Variants in CTNNA3 observed in about 807,000 individuals in gnomAD.
CTNNA3 encodes the protein catenin alpha 3, also known as catenin alpha-3.
CTNNA3 carries 76 observed loss-of-function variants against 95.7 expected under a neutral mutation model. That is an observed-to-expected ratio of 0.79 (90% CI 0.66 to 0.96). CTNNA3 has a LOEUF of 0.96. Among genes scored for constraint, CTNNA3 ranks in the 40% least tolerant of loss-of-function variants. CTNNA3 has a pLI of 0.00. For missense variants in CTNNA3, 1,191 were observed against 1,089.8 expected (o/e 1.09, Z -1.31); for synonymous variants, 431 against 374.4 (o/e 1.15, Z -1.74).
chr10:67,654,151 A>T (rs1039269899), intron 1 of CTNNA3, among the ~76,000 whole-genome samples: 2 of 152,206 alleles, frequency 1.3e-5, no homozygotes, highest in Admixed American at 1.3e-4. Flanking sequence ...GGTGAGCTCC[A>T]CCTCCACCAC....
At chr10:66,047,600 A>T (rs1238281348) in intron 15 of CTNNA3, among the ~76,000 whole-genome samples, 2 of 152,202 alleles carry the variant, frequency 1.3e-5, no homozygotes, top group African/African-American at 2.4e-5. Flanking sequence ...CATCTCTTCT[A>T]TTCAAAATAG....
chr10:67,717,880 T>C (rs1469752510), intron 1 of CTNNA3, among the ~76,000 whole-genome samples: 3 of 152,216 alleles, frequency 2.0e-5, no homozygotes, highest in Non-Finnish European at 2.9e-5. Context: ...TTGATGGGGA[T>C]AGCATTAAAT....
intron 5 of CTNNA3, among the ~76,000 whole-genome samples, chr10:67,477,325 T>C (rs1470428639): frequency 2.6e-5 from 4 of 151,888 alleles, no homozygotes; most frequent in Admixed American, 6.6e-5. Flanking sequence ...CTACCCCGTA[T>C]GGCCCCACCC....
chr10:67,164,602 C>A lies in CTNNA3; in HGVS notation c.1047+15715G>T, dbSNP rs114628595. Among the ~76,000 whole-genome samples the A allele has an allele frequency of 2.8e-3, 432 of 152,144 alleles. 2 individuals carry two copies. Among genetic ancestry groups the A allele is most frequent in the African/African-American group, 0.01 (416 of 41,548 alleles). On this transcript the variant is annotated intron_variant, in intron 7 of 17. Coordinates refer to ENST00000433211, the MANE Select transcript of CTNNA3 (RefSeq NM_013266.4). The stretch of plus-strand genomic sequence containing the variant: ...AAATAGATAAAGCTTACTTCATTAG[C>A]TACAAACTGCAAGAAAATATTTACA...
At chr10:66,190,049 A>G (rs2131882063) in intron 13 of CTNNA3, among the ~76,000 whole-genome samples, 1 of 152,292 alleles carries the variant, frequency 6.6e-6, no homozygotes, top group African/African-American at 2.4e-5. Flanking sequence ...TTGAAGAAAC[A>G]TGTGAAACTA....
At chr10:66,996,187 G>C (rs1380196488) in intron 7 of CTNNA3, among the ~76,000 whole-genome samples, 1 of 152,082 alleles carries the variant, frequency 6.6e-6, no homozygotes, top group African/African-American at 2.4e-5. Context: ...GAAGTTTAAT[G>C]GTTTCAAGGA....
intron 10 of CTNNA3, among the ~76,000 whole-genome samples, chr10:66,606,205 TACA>T (rs1844115636): frequency 6.6e-6 from 1 of 152,112 alleles, no homozygotes; most frequent in African/African-American, 2.4e-5. Context: ...AAGGGTTAAA[TACA>T]ACAAGAAGAC....
intron 7 of CTNNA3, among the ~76,000 whole-genome samples, chr10:66,978,552 A>AAAAAAATATATATATAT: frequency 1.3e-3 from 50 of 37,868 alleles, no homozygotes; most frequent in Non-Finnish European, 2.2e-3. Flanking sequence ...AAAAAAAAAA[A>AAAAAAATATATATATAT]ATATATATAT....
At chr10:67,572,654 T>C (rs1842015577) in intron 3 of CTNNA3, among the ~76,000 whole-genome samples, 1 of 152,198 alleles carries the variant, frequency 6.6e-6, no homozygotes. Flanking sequence ...AGCATGAAAC[T>C]CACTACACAG....
intron 7 of CTNNA3, among the ~76,000 whole-genome samples, chr10:67,111,342 G>C (rs1370141879): frequency 6.6e-6 from 1 of 151,992 alleles, no homozygotes; most frequent in African/African-American, 2.4e-5. Context: ...CCAAACCTAG[G>C]TTCCAAAGTA....
At chr10:67,701,062 G>A (rs377157642), upstream of CTNNA3, among the ~76,000 whole-genome samples, 1 of 152,108 alleles carries the variant, frequency 6.6e-6, no homozygotes, top group Admixed American at 6.5e-5. Flanking sequence ...GAAGGGAGAA[G>A]GGAAGTTTAG....
intron 15 of CTNNA3, among the ~76,000 whole-genome samples, chr10:65,997,951 G>T (rs1419643990): frequency 2.0e-5 from 3 of 152,152 alleles, no homozygotes; most frequent in Non-Finnish European, 1.5e-5. Context: ...GGAGGCAGAG[G>T]TTGCGGCGAG....
At chr10:66,385,873 CT>C (rs1417826422) in intron 11 of CTNNA3, among the ~76,000 whole-genome samples, 1 of 152,118 alleles carries the variant, frequency 6.6e-6, no homozygotes, top group Non-Finnish European at 1.5e-5. Flanking sequence ...CAGAAAAGGC[CT>C]TTGACAAAAT....
chr10:67,356,741 C>T (rs1012506027), intron 5 of CTNNA3, among the ~76,000 whole-genome samples: 1 of 152,066 alleles, frequency 6.6e-6, no homozygotes, highest in Non-Finnish European at 1.5e-5. Context: ...ACATTGCCTC[C>T]TTACTTAGCT....
intron 10 of CTNNA3, among the ~76,000 whole-genome samples, chr10:66,538,042 C>T (rs1365274350): frequency 2.6e-5 from 4 of 152,210 alleles, no homozygotes; most frequent in African/African-American, 7.2e-5. Context: ...AAGAATCAAT[C>T]ATAGATATTT....
chr10:66,016,962 A>G (rs1413023103), intron 15 of CTNNA3, among the ~76,000 whole-genome samples: 5 of 152,168 alleles, frequency 3.3e-5, no homozygotes, highest in African/African-American at 1.2e-4. Flanking sequence ...AGATACTTAA[A>G]TAAAAACTAA....
chr10:66,929,317 G>A (rs1847241851), intron 7 of CTNNA3, among the ~76,000 whole-genome samples: 1 of 152,182 alleles, frequency 6.6e-6, no homozygotes, highest in African/African-American at 2.4e-5. Context: ...TAAGGTTCGC[G>A]AATGGGAAAG....
intron 13 of CTNNA3, among the ~76,000 whole-genome samples, chr10:66,242,003 C>T (rs7902169): frequency 0.99 from 149,912 of 152,116 alleles, 73,891 homozygotes; most frequent in South Asian, 1. Context: ...ATTTGAATAT[C>T]TGTCTCCTCC....
chr10:66,529,104 C>T (rs1177237997), intron 10 of CTNNA3, among the ~76,000 whole-genome samples: 2 of 151,918 alleles, frequency 1.3e-5, no homozygotes, highest in Non-Finnish European at 2.9e-5. Context: ...ACAGCCTGGC[C>T]TATCACAATC....
Sources: gnomAD v4.1 joint callset for allele counts (sites outside exome capture counted in the v4.1 genomes callset) on GRCh38, gnomAD v4.1.1 for gene constraint, MANE v1.5 for transcripts, NCBI Gene and HGNC (gene_info 2026-07-23, HGNC 2026-07-21) for gene names.